ABLIM1: variants seen among roughly 807,000 people sequenced by gnomAD.
ABLIM1 encodes the protein actin binding LIM protein 1, also known as actin-binding LIM protein 1.
Under a neutral mutation model 107.0 loss-of-function variants are expected in ABLIM1, and 40 were observed. The ratio of observed to expected loss-of-function variants is 0.37; its 90% CI spans 0.29 to 0.49. The LOEUF is 0.49. Ranked by LOEUF, ABLIM1 falls within the 20% of genes least tolerant of loss-of-function variation. The probability of loss-of-function intolerance (pLI) is 0.97; values close to 1 mark genes in which losing one functional copy is unlikely to be tolerated. For missense variants in ABLIM1, 857 were observed against 1,008.5 expected (o/e 0.85, Z 2.04); for synonymous variants, 357 against 357.3 (o/e 1.00, Z 0.01).
At chr10:114,518,175 C>T (rs1024201491) in intron 6 of ABLIM1, among the ~76,000 whole-genome samples, 3 of 152,058 alleles carry the variant, frequency 2.0e-5, no homozygotes, top group Admixed American at 1.3e-4. Flanking sequence ...GTGCAAGAAA[C>T]AGGAGCAAAG....
chr10:114,643,800 T>C (rs907206926), intron 1 of ABLIM1, among the ~76,000 whole-genome samples: 2 of 151,968 alleles, frequency 1.3e-5, no homozygotes, highest in African/African-American at 4.8e-5. Context: ...AGGTTTAAAC[T>C]TCTGGGCTCA....
intron 5 of ABLIM1, 91 bp downstream of exon 5, chr10:114,547,559 G>A: frequency 6.5e-7 from 1 of 1,533,142 alleles, no homozygotes; most frequent in Non-Finnish European, 8.8e-7. Flanking sequence ...CAGCACCATT[G>A]ATGGGGTGGG....
intron 5 of ABLIM1, 52 bp downstream of exon 5, chr10:114,547,598 C>T (rs2067519441): frequency 6.2e-7 from 1 of 1,605,240 alleles, no homozygotes; most frequent in Non-Finnish European, 8.5e-7. Flanking sequence ...TGCAGAAGAA[C>T]CACAACGCCC....
intron 1 of ABLIM1, among the ~76,000 whole-genome samples, chr10:114,724,295 T>C (rs956508885): frequency 2.0e-5 from 3 of 152,186 alleles, no homozygotes; most frequent in Non-Finnish European, 4.4e-5. Context: ...TTTCTCCATC[T>C]GTGAAATGTG....
rs965718865 is a variant in ABLIM1, at chr10:114,432,065, A to G, written c.*4195T>C. 3.3e-5 allele frequency: 5 copies of G among 152,232 alleles called. No individual in the cohort carries two copies. The highest frequency in any genetic ancestry group is 1.2e-4 in the African/African-American group (5 of 41,458). 9.4% of individuals were successfully genotyped at this position (152,232 alleles called of 1,614,324 possible). A position where few individuals can be genotyped will look rare whatever the true frequency, so the allele number is the denominator to read the frequency against. ...AGTTCCCTTAAAGTACATCATTGCT[A>G]TAAGTTGGTATCACTGCAAATCTCA... is the stretch of plus-strand genomic sequence containing the variant. On this transcript the variant is annotated 3_prime_UTR_variant, in exon 23 of 23. Transcript: ENST00000533213.
chr10:114,485,550 G>A (rs989419471), intron 8 of ABLIM1, among the ~76,000 whole-genome samples: 1 of 152,200 alleles, frequency 6.6e-6, no homozygotes, highest in Admixed American at 6.5e-5. Flanking sequence ...TTGGGCCCAT[G>A]TTTAAAAGCA....
intron 10 of ABLIM1, among the ~76,000 whole-genome samples, chr10:114,470,913 G>A (rs112456170): frequency 0.027 from 4,160 of 152,022 alleles, 184 homozygotes; most frequent in African/African-American, 0.092. Flanking sequence ...GAGACAGGGT[G>A]TCACTCTATC....
intron 2 of ABLIM1, among the ~76,000 whole-genome samples, chr10:114,589,237 G>C (rs987869041): frequency 6.8e-6 from 1 of 146,688 alleles, no homozygotes; most frequent in African/African-American, 2.5e-5. Context: ...TTTTTTAAGA[G>C]ACAGGGTCTT....
At chr10:114,738,569 T>A (rs772434212) in intron 1 of ABLIM1, among the ~76,000 whole-genome samples, 1 of 152,204 alleles carries the variant, frequency 6.6e-6, no homozygotes, top group Non-Finnish European at 1.5e-5. Flanking sequence ...ACTCTCATGC[T>A]TTAAAAAGAA....
At chr10:114,704,296 C>CTA (rs1481293676) in intron 1 of ABLIM1, among the ~76,000 whole-genome samples, 13 of 28,880 alleles carry the variant, frequency 4.5e-4, no homozygotes, top group Non-Finnish European at 9.6e-4. Context: ...CTCTCTCTCT[C>CTA]TCTCTCTATA....
chr10:114,792,185 G>A, the ABLIM1 span, among the ~76,000 whole-genome samples: 1 of 152,198 alleles, frequency 6.6e-6, no homozygotes, highest in African/African-American at 2.4e-5. Context: ...GCTGGGTGTG[G>A]TGGCACATGC....
chr10:114,533,771 G>A (rs1452896321), intron 6 of ABLIM1, among the ~76,000 whole-genome samples: 1 of 152,100 alleles, frequency 6.6e-6, no homozygotes, highest in African/African-American at 2.4e-5. Flanking sequence ...CGAACACCTG[G>A]GCTCTAGCAG....
chr10:114,441,574 A>G, intron 18 of ABLIM1, 148 bp downstream of exon 18: 1 of 646,262 alleles, frequency 1.5e-6, no homozygotes, highest in East Asian at 2.7e-5. Flanking sequence ...ACTCAAATTA[A>G]TTTACTAGGC....
At chr10:114,667,088 C>G (rs982011619) in intron 1 of ABLIM1, among the ~76,000 whole-genome samples, 3 of 152,212 alleles carry the variant, frequency 2.0e-5, no homozygotes, top group Non-Finnish European at 1.5e-5. Context: ...TTTAGGCTAT[C>G]AGTCTGGGAT....
upstream of ABLIM1, among the ~76,000 whole-genome samples, chr10:114,770,249 C>T (rs1255238737): frequency 6.6e-6 from 1 of 152,150 alleles, no homozygotes; most frequent in Non-Finnish European, 1.5e-5. Context: ...TTATTGAACA[C>T]ATATTATGTA....
chr10:114,525,953 G>C (rs888057037), intron 6 of ABLIM1, among the ~76,000 whole-genome samples: 1 of 151,964 alleles, frequency 6.6e-6, no homozygotes, highest in Admixed American at 6.6e-5. Flanking sequence ...CCCAAAAAAA[G>C]TCTTTACAGT....
intron 1 of ABLIM1, among the ~76,000 whole-genome samples, chr10:114,669,947 A>G (rs556436973): frequency 9.8e-5 from 15 of 152,320 alleles, no homozygotes; most frequent in African/African-American, 3.1e-4. Flanking sequence ...AAAATAGAGA[A>G]CAGAGCAAAT....
At chr10:114,640,587 G>T (rs1410496765) in intron 1 of ABLIM1, among the ~76,000 whole-genome samples, 1 of 152,136 alleles carries the variant, frequency 6.6e-6, no homozygotes, top group Non-Finnish European at 1.5e-5. Context: ...AGTCAGATTT[G>T]TGTACGTATT....
At chr10:114,738,648 G>C (rs1441618697) in intron 1 of ABLIM1, among the ~76,000 whole-genome samples, 1 of 152,178 alleles carries the variant, frequency 6.6e-6, no homozygotes, top group East Asian at 1.9e-4. Flanking sequence ...AGTTCAAGTA[G>C]AAATGGGTCT....
Sources: allele counts gnomAD v4.1 joint callset (sites outside exome capture counted in the v4.1 genomes callset), GRCh38; gene constraint gnomAD v4.1.1; transcripts MANE v1.5; gene names NCBI Gene and HGNC (gene_info 2026-07-23, HGNC 2026-07-21).